UGGT2: variants seen among roughly 807,000 people sequenced by gnomAD.
The protein encoded by UGGT2 is UDP-glucose:glycoprotein glucosyltransferase 2.
A neutral mutation model predicts 192.1 loss-of-function variants in UGGT2; 180 were observed. The ratio of observed to expected loss-of-function variants is 0.94; its 90% CI spans 0.83 to 1.06. The LOEUF (loss-of-function observed/expected upper bound fraction) is 1.06. Among genes scored for constraint, UGGT2 ranks in the 50% least tolerant of loss-of-function variants. The pLI, the probability that UGGT2 is intolerant of heterozygous loss-of-function variation, is 0.00. For missense variants in UGGT2, 1,849 were observed against 1,795.7 expected (o/e 1.03, Z -0.54); for synonymous variants, 580 against 591.0 (o/e 0.98, Z 0.27).
At chr13:95,909,628 G>C (rs964647489) in intron 20 of UGGT2, among the ~76,000 whole-genome samples, 2 of 143,952 alleles carry the variant, frequency 1.4e-5, no homozygotes, top group African/African-American at 5.1e-5. Flanking sequence ...GGGAGGGATA[G>C]CATCGGGAGA....
intron 14 of UGGT2, 33 bp from the exon 15 acceptor site, chr13:95,947,205 ATTACC>A (rs780925957): frequency 6.3e-5 from 98 of 1,545,404 alleles, no homozygotes; most frequent in Non-Finnish European, 8.3e-5. Context: ...GACTGTTATA[ATTACC>A]TCTTGAATCA....
At chr13:95,947,461 T>A (rs1252766557) in intron 14 of UGGT2, among the ~76,000 whole-genome samples, 1 of 122,062 alleles carries the variant, frequency 8.2e-6, no homozygotes, top group Admixed American at 7.7e-5. Flanking sequence ...TTTATTTTTA[T>A]TTTTTTTGAG....
Position 96,023,647 on chromosome 13 carries a change from A to T in UGGT2, c.354T>A (p.Ala118=), listed in dbSNP as rs1369380383. The T allele has an allele frequency of 8.7e-6, 14 of 1,608,496 alleles. No individual in the cohort carries two copies. The highest frequency in any genetic ancestry group is 1.2e-5 in the Non-Finnish European group (14 of 1,176,808). Residue 118 remains alanine (A), a synonymous_variant, in exon 3 of 39, where the codon GCT becomes GCA. Coordinates refer to ENST00000376747, the MANE Select transcript of UGGT2 (RefSeq NM_020121.4). ...TACGCACCTGCTGAAACATCTGAAT[A>T]GCTGGGGAGTATGCCCTTATAGAGA... ...FAFSIRAYSP[A]IQMFQQIAAD...
intron 25 of UGGT2, among the ~76,000 whole-genome samples, chr13:95,890,284 C>T (rs1444266279): frequency 1.3e-5 from 2 of 152,126 alleles, no homozygotes; most frequent in Admixed American, 6.6e-5. Flanking sequence ...TCTTCTCAGG[C>T]TAATATAACA....
At chr13:96,021,753 C>G (rs979359594) in intron 4 of UGGT2, among the ~76,000 whole-genome samples, 14 of 151,928 alleles carry the variant, frequency 9.2e-5, no homozygotes, top group Non-Finnish European at 1.9e-4. Flanking sequence ...TGTATCCATC[C>G]CAATAGTTGA....
intron 15 of UGGT2, among the ~76,000 whole-genome samples, chr13:95,940,831 A>G (rs1357839706): frequency 6.6e-6 from 1 of 152,074 alleles, no homozygotes; most frequent in East Asian, 1.9e-4. Flanking sequence ...GGGCTCAAGC[A>G]ATCTACCTGC....
At chr13:95,843,589 C>T (rs965939779) in intron 36 of UGGT2, among the ~76,000 whole-genome samples, 1 of 152,090 alleles carries the variant, frequency 6.6e-6, no homozygotes, top group Non-Finnish European at 1.5e-5. Flanking sequence ...ATCTTCTAAA[C>T]ATTTTATATT....
At chr13:96,010,121 C>T (rs2052112703) in intron 5 of UGGT2, among the ~76,000 whole-genome samples, 1 of 152,162 alleles carries the variant, frequency 6.6e-6, no homozygotes, top group African/African-American at 2.4e-5. Flanking sequence ...TTTGACCCAG[C>T]AATCCCATAA....
At chr13:95,966,904 CAG>C (rs2050597102) in intron 12 of UGGT2, among the ~76,000 whole-genome samples, 1 of 152,118 alleles carries the variant, frequency 6.6e-6, no homozygotes, top group African/African-American at 2.4e-5. Flanking sequence ...TTTTACTTAA[CAG>C]AATCATTATC....
chr13:95,853,836 T>C (rs140368673), intron 35 of UGGT2, among the ~76,000 whole-genome samples, 179 bp from the exon 36 acceptor site: 3 of 152,298 alleles, frequency 2.0e-5, no homozygotes, highest in African/African-American at 7.2e-5. Flanking sequence ...AGTTTTAAGT[T>C]TGTTTTAATT....
intron 25 of UGGT2, among the ~76,000 whole-genome samples, chr13:95,889,421 C>A (rs535568327): frequency 1.6e-4 from 24 of 152,066 alleles, no homozygotes; most frequent in Non-Finnish European, 3.5e-4. Flanking sequence ...TGGCAGTGCG[C>A]ACTAAATTCT....
intron 17 of UGGT2, among the ~76,000 whole-genome samples, chr13:95,928,698 C>T (rs2049132103): frequency 6.6e-6 from 1 of 151,686 alleles, no homozygotes; most frequent in Admixed American, 6.6e-5. Context: ...AGAGGTGTTC[C>T]TCACTTCCCA....
At chr13:95,950,791 C>T (rs1171540326) in intron 12 of UGGT2, among the ~76,000 whole-genome samples, 1 of 151,898 alleles carries the variant, frequency 6.6e-6, no homozygotes, top group African/African-American at 2.4e-5. Flanking sequence ...ACTCTAAGAA[C>T]TTATTGGGTG....
intron 5 of UGGT2, among the ~76,000 whole-genome samples, chr13:96,001,474 T>G (rs1566812969): frequency 6.6e-6 from 1 of 152,140 alleles, no homozygotes; most frequent in Non-Finnish European, 1.5e-5. Context: ...TCAGCCCGCC[T>G]GCACCCAGGT....
In UGGT2 at chr13:96,053,170, A is replaced by T; in HGVS notation, c.143T>A (p.Leu48Gln). 6.6e-7 allele frequency: 1 copy of T among 1,514,750 alleles called. No individual in the cohort carries two copies. Among genetic ancestry groups the T allele is most frequent in the Non-Finnish European group, 8.8e-7 (1 of 1,136,596 alleles). 93.8% of individuals were successfully genotyped at this position (1,514,750 alleles called of 1,614,324 possible). The stretch of plus-strand genomic sequence containing the variant: ...CCGCACCCACCTTGCCTCCAGCAGC[A>T]GCGGGGTCTCGGGCCACTTCGCGGC... Reference protein sequence around the residue: ...HLAAKWPETPLLLEASEFMAE... With the variant: ...HLAAKWPETPQLLEASEFMAE... The change falls in exon 1 of 39, where the codon CTG (leucine) becomes CAG (glutamine). Residue 48 changes from leucine (L) to glutamine (Q), a missense_variant. Transcript: ENST00000376747.
chr13:95,941,502 A>G (rs1297079291), intron 15 of UGGT2, among the ~76,000 whole-genome samples: 4 of 152,202 alleles, frequency 2.6e-5, no homozygotes, highest in Admixed American at 6.5e-5. Flanking sequence ...AAAAAAGTGA[A>G]AAGTTCCATC....
chr13:96,047,578 G>T (rs1315277559), intron 1 of UGGT2, among the ~76,000 whole-genome samples: 1 of 152,116 alleles, frequency 6.6e-6, no homozygotes, highest in African/African-American at 2.4e-5. Flanking sequence ...TCCTCCAAAG[G>T]AACGCAGCTC....
At chr13:95,873,894 T>A (rs995615775) in intron 29 of UGGT2, among the ~76,000 whole-genome samples, 1 of 152,138 alleles carries the variant, frequency 6.6e-6, no homozygotes. Flanking sequence ...ACAAGTTTCC[T>A]GTGTGAGGGA....
chr13:95,909,822 T>C (rs1438267641), intron 20 of UGGT2, among the ~76,000 whole-genome samples: 2 of 74,828 alleles, frequency 2.7e-5, no homozygotes, highest in Admixed American at 1.1e-4. Flanking sequence ...AAAAAAAAAC[T>C]GTTAAGGGCA....
Sources: gnomAD v4.1 joint callset for allele counts (sites outside exome capture counted in the v4.1 genomes callset) on GRCh38, gnomAD v4.1.1 for gene constraint, MANE v1.5 for transcripts, NCBI Gene and HGNC (gene_info 2026-07-23, HGNC 2026-07-21) for gene names.